Variants in IMPA1 observed in about 807,000 individuals in gnomAD.
The protein encoded by IMPA1 is D-galactose 1-phosphate phosphatase.
In IMPA1, 21 loss-of-function variants were observed where a neutral mutation model predicts 34.9. The ratio of observed to expected loss-of-function variants is 0.60; its 90% confidence interval spans 0.43 to 0.87. The LOEUF is 0.87. Among genes scored for constraint, IMPA1 ranks in the 40% least tolerant of loss-of-function variants. The pLI is 0.00. For synonymous variants in IMPA1, 95 were observed against 104.4 expected, an observed-to-expected ratio of 0.91 and a Z score of 0.55; for missense variants, 299 against 336.4, an observed-to-expected ratio of 0.89 and a Z score of 0.87.
chr8:81,659,535 C>A, intron 8 of IMPA1, 69 bp from the exon 9 acceptor site: 1 of 836,424 alleles, frequency 1.2e-6, no homozygotes, highest in South Asian at 1.4e-5. Context: ...ACAAGTATAG[C>A]AATATGTACT....
At position 81,669,136 on chromosome 8, in the gene IMPA1, G is replaced by A. The variant is rs1047699558; in HGVS notation, c.566+1803C>T. 2.6e-5 allele frequency among the ~76,000 whole-genome samples: 4 copies of A among 152,298 alleles called. 1 individual carries two copies. In the South Asian group the frequency reaches 6.2e-4, roughly 24 times the overall value. ...CTTGTCTCAAGGGCAGAGCCACAGTGGAACTGTGGGGTTAGTGGTAGCTGA... is the reference window on the plus strand; with the variant it reads ...CTTGTCTCAAGGGCAGAGCCACAGTAGAACTGTGGGGTTAGTGGTAGCTGA... On this transcript the variant is annotated intron_variant, in intron 7 of 8. Transcript: ENST00000256108.
At chr8:81,670,908 G>T in intron 7 of IMPA1, 31 bp downstream of exon 7, 1 of 1,141,054 alleles carries the variant, frequency 8.8e-7, no homozygotes, top group Non-Finnish European at 1.3e-6. Context: ...CGTATACAAA[G>T]AGAGAGATAG....
rs776598571 is a variant in IMPA1, at chr8:81,680,728, A to C, written c.119T>G (p.Val40Gly). The change falls in exon 3 of 9, where the codon GTT becomes GGT. Residue 40 changes from valine (V) to glycine (G), a missense_variant. Physicochemically the swap from Val to Gly is moderately radical, Grantham distance 109 (BLOSUM62 -3). Transcript: ENST00000256108. ...EMNVMLKSSPVDLVTATDQKV... is the reference protein window; with the variant it reads ...EMNVMLKSSPGDLVTATDQKV... ...TTGGTCCGTAGCAGTTACCAAATCA[A>C]CTGGAGAACTTTTCAGCATAACATT... is the stretch of plus-strand genomic sequence containing the variant. 2 of 1,610,924 alleles carry C rather than the reference A, an allele frequency of 1.2e-6. No homozygotes were observed. The highest frequency in any genetic ancestry group is 2.7e-5 in the African/African-American group (2 of 74,880).
At chr8:81,678,675 A>G (rs747145665) in intron 4 of IMPA1, 75 of 182,242 alleles carry the variant, frequency 4.1e-4, no homozygotes, top group Admixed American at 2.0e-3. Flanking sequence ...CTGGCCAACA[A>G]GAGGGAAACT....
intron 3 of IMPA1, 77 bp downstream of exon 3, chr8:81,680,573 T>C (rs1807269852): frequency 9.1e-7 from 1 of 1,094,576 alleles, no homozygotes; most frequent in Admixed American, 2.3e-5. Context: ...AACCGTGTAG[T>C]CAAGCTACTC....
At chr8:81,673,802 C>T (rs1353175512) in intron 6 of IMPA1, 39 bp downstream of exon 6, 2 of 1,109,298 alleles carry the variant, frequency 1.8e-6, no homozygotes, top group Non-Finnish European at 2.8e-6. Flanking sequence ...ATATTGAGCA[C>T]ACAATATGAA....
chr8:81,674,729 CT>C, intron 5 of IMPA1: 1 of 432,858 alleles, frequency 2.3e-6, no homozygotes, highest in Non-Finnish European at 4.6e-6. Flanking sequence ...TTCCATTTCC[CT>C]TTTAGCTCTC....
chr8:81,684,538 C>T (rs1349567305), intron 1 of IMPA1, among the ~76,000 whole-genome samples: 1 of 107,000 alleles, frequency 9.3e-6, no homozygotes, highest in East Asian at 7.3e-4. Flanking sequence ...ATATATACTA[C>T]ACATAAGTAT....
intron 3 of IMPA1, 141 bp from the exon 4 acceptor site, chr8:81,679,371 T>C (rs892055554): frequency 4.8e-6 from 3 of 623,424 alleles, no homozygotes; most frequent in Non-Finnish European, 8.7e-6. Context: ...CCCAGCACTT[T>C]GGGAGGCCAG....
At position 81,659,041 on chromosome 8, in the gene IMPA1, G is replaced by C. The variant is rs1481177174; in HGVS notation, c.*310C>G. Reference sequence around the variant, plus strand: ...CCTATATACTAAGTCAAAATTTCAGGGGACCATAGATATTTAGAAACACAA... The same window carrying C: ...CCTATATACTAAGTCAAAATTTCAGCGGACCATAGATATTTAGAAACACAA... On this transcript the variant is annotated 3_prime_UTR_variant, in exon 9 of 9. Transcript: ENST00000256108. The C allele has an allele frequency of 3.1e-6, 1 of 326,198 alleles. No homozygotes were observed. Among genetic ancestry groups the C allele is most frequent in the Non-Finnish European group, 5.7e-6 (1 of 176,652 alleles). 20.2% of individuals were successfully genotyped at this position (326,198 alleles called of 1,614,324 possible). A position where few individuals can be genotyped will look rare whatever the true frequency, so the allele number is the denominator to read the frequency against.
intron 5 of IMPA1, chr8:81,674,504 C>T: frequency 4.0e-6 from 1 of 250,426 alleles, no homozygotes; most frequent in South Asian, 4.3e-5. Context: ...TATCAACAAA[C>T]TTTCTTTGTT....
At chr8:81,685,679 T>A in intron 1 of IMPA1, 1 of 519,144 alleles carries the variant, frequency 1.9e-6, no homozygotes, top group Non-Finnish European at 2.7e-6. Context: ...TATTTTTATA[T>A]ATAGTTATAT....
intron 1 of IMPA1, among the ~76,000 whole-genome samples, chr8:81,683,397 G>C (rs1277321783): frequency 1.3e-5 from 2 of 152,162 alleles, no homozygotes; most frequent in African/African-American, 4.8e-5. Context: ...TGAAACCTGG[G>C]AGGGAAGTTT....
chr8:81,683,069 C>T (rs1189943388), intron 1 of IMPA1, among the ~76,000 whole-genome samples: 1 of 152,134 alleles, frequency 6.6e-6, no homozygotes, highest in Non-Finnish European at 1.5e-5. Flanking sequence ...ATCAGGTTTC[C>T]CTGAAGACAA....
intron 1 of IMPA1, chr8:81,685,958 T>C: frequency 3.3e-6 from 5 of 1,502,324 alleles, no homozygotes; most frequent in Non-Finnish European, 4.5e-6. Context: ...ACCAAGTTTC[T>C]AGGAGCTTTT....
intron 6 of IMPA1, among the ~76,000 whole-genome samples, chr8:81,673,068 AC>A (rs1807035644): frequency 6.6e-6 from 1 of 152,206 alleles, no homozygotes; most frequent in African/African-American, 2.4e-5. Flanking sequence ...CAAAAGAGCT[AC>A]ATACCTCCCT....
At chr8:81,670,807 G>C (rs1395916366) in intron 7 of IMPA1, 132 bp downstream of exon 7, 1 of 536,524 alleles carries the variant, frequency 1.9e-6, no homozygotes, top group African/African-American at 2.0e-5. Flanking sequence ...CATGGTTATG[G>C]AACAGAATCT....
chr8:81,677,361 C>T (rs1807160975), intron 4 of IMPA1, among the ~76,000 whole-genome samples: 1 of 152,208 alleles, frequency 6.6e-6, no homozygotes, highest in Admixed American at 6.5e-5. Flanking sequence ...TCCCAAAGTG[C>T]TGGGATTACA....
rs1175032438 is a variant in IMPA1 at position 81,679,211 on chromosome 8, C to T, written c.217G>A (p.Val73Met). 2.5e-6 allele frequency: 4 copies of T among 1,613,620 alleles called. No individual in the cohort carries two copies. Among genetic ancestry groups the T allele is most frequent in the Non-Finnish European group, 8.5e-7 (1 of 1,179,546 alleles). ...PSHSFIGEES[V>M]AAGEKSILTD... ...AAGATACTTTTTTCCCCAGCTGCCACAGATTCTTCACCAATGAAACTAAAA... is the reference window on the plus strand; with the variant it reads ...AAGATACTTTTTTCCCCAGCTGCCATAGATTCTTCACCAATGAAACTAAAA... The change falls in exon 4 of 9, where the codon GTG becomes ATG. Residue 73 changes from valine (V) to methionine (M), a missense_variant. Val to Met is a conservative substitution (Grantham distance 21). Transcript: ENST00000256108.
Sources: allele counts gnomAD v4.1 joint callset (sites outside exome capture counted in the v4.1 genomes callset), GRCh38; gene constraint gnomAD v4.1.1; transcripts MANE v1.5; gene names NCBI Gene and HGNC (gene_info 2026-07-23, HGNC 2026-07-21).